The following GABRB1 variants were observed in gnomAD, a reference collection of about 807,000 sequenced individuals.
GABRB1 encodes gamma-aminobutyric acid type A receptor subunit beta1, also known as gamma-aminobutyric acid receptor subunit beta-1.
In GABRB1, 17 loss-of-function variants were observed where a neutral mutation model predicts 51.6. The observed-to-expected ratio is 0.33, with a 90% CI of 0.23 to 0.49. GABRB1 has a LOEUF of 0.49. Among genes scored for constraint, GABRB1 ranks in the 20% least tolerant of loss-of-function variants. GABRB1 has a pLI of 0.99. For synonymous variants in GABRB1, 247 were observed against 218.9 expected (o/e 1.13, Z -1.14); for missense variants, 410 against 600.6 (o/e 0.68, Z 3.32).
chr4:47,371,378 A>G (rs1178318923), intron 5 of GABRB1, among the ~76,000 whole-genome samples: 2 of 152,160 alleles, frequency 1.3e-5, no homozygotes, highest in African/African-American at 4.8e-5. Context: ...TGCCATTATG[A>G]ATAGTGCTGC....
intron 5 of GABRB1, among the ~76,000 whole-genome samples, chr4:47,398,417 T>C (rs890936084): frequency 6.6e-6 from 1 of 152,228 alleles, no homozygotes; most frequent in Non-Finnish European, 1.5e-5. Context: ...CAATGTTAAA[T>C]ATGAACAATG....
chr4:47,201,746 G>A (rs1315621323), intron 4 of GABRB1, among the ~76,000 whole-genome samples: 1 of 152,074 alleles, frequency 6.6e-6, no homozygotes, highest in African/African-American at 2.4e-5. Flanking sequence ...AGCGAAGATA[G>A]TCTAGATATA....
chr4:47,342,991 G>T (rs577411731), intron 5 of GABRB1, among the ~76,000 whole-genome samples: 1 of 152,064 alleles, frequency 6.6e-6, no homozygotes, highest in Non-Finnish European at 1.5e-5. Flanking sequence ...ATTCCATCAC[G>T]CTGGCTGATG....
At chr4:47,280,438 T>C (rs1231514525) in intron 4 of GABRB1, among the ~76,000 whole-genome samples, 1 of 151,296 alleles carries the variant, frequency 6.6e-6, no homozygotes, top group Non-Finnish European at 1.5e-5. Context: ...TATTACATTA[T>C]AAGAATGCTC....
In GABRB1 at chr4:47,348,671, T is replaced by C. The variant is rs200243028; in HGVS notation, c.544+28462T>C. On this transcript the variant is annotated intron_variant, in intron 5 of 8. Coordinates refer to ENST00000295454, the MANE Select transcript of GABRB1 (RefSeq NM_000812.4). ...TAGAGGACTGACCCTCCAGATTTTG[T>C]AGAAGTTTTGTCTTTATCCTAGAAT... Among the ~76,000 whole-genome samples the C allele has an allele frequency of 5.3e-5, 8 of 152,318 alleles. No homozygotes were observed. The East Asian group carries it at 1.5e-3, about 29-fold the overall frequency.
chr4:47,034,523 T>C (rs1725468037), intron 3 of GABRB1, among the ~76,000 whole-genome samples: 1 of 152,208 alleles, frequency 6.6e-6, no homozygotes, highest in Non-Finnish European at 1.5e-5. Context: ...CCTGTTCTAC[T>C]ACAATCCCCA....
chr4:47,411,266 A>G (rs1379652896), intron 8 of GABRB1, among the ~76,000 whole-genome samples: 1 of 152,218 alleles, frequency 6.6e-6, no homozygotes, highest in Non-Finnish European at 1.5e-5. Context: ...CAATAGATGA[A>G]TGGTTAAACA....
intron 3 of GABRB1, chr4:47,043,400 A>C (rs938503233): frequency 2.0e-5 from 3 of 152,060 alleles, no homozygotes; most frequent in African/African-American, 7.2e-5. Context: ...TGTTGCATAA[A>C]GTTTGGAAGG....
chr4:47,020,226 A>G (rs1484877828), intron 1 of GABRB1, among the ~76,000 whole-genome samples: 1 of 151,832 alleles, frequency 6.6e-6, no homozygotes, highest in African/African-American at 2.4e-5. Context: ...TTTTATTAGG[A>G]CCCCAACCTT....
At chr4:47,067,130 C>A (rs899048096) in intron 3 of GABRB1, among the ~76,000 whole-genome samples, 12 of 151,984 alleles carry the variant, frequency 7.9e-5, no homozygotes, top group Non-Finnish European at 1.3e-4. Context: ...TGAAAGGATT[C>A]TTTTTTTTCT....
At chr4:47,292,480 C>A (rs1469751935) in intron 4 of GABRB1, among the ~76,000 whole-genome samples, 1 of 152,190 alleles carries the variant, frequency 6.6e-6, no homozygotes, top group Non-Finnish European at 1.5e-5. Context: ...TATCTTTAGG[C>A]AAGCCCCTTG....
chr4:47,055,023 CT>C (rs1726528555), intron 3 of GABRB1, among the ~76,000 whole-genome samples: 1 of 152,182 alleles, frequency 6.6e-6, no homozygotes, highest in South Asian at 2.1e-4. Context: ...AGAACCTGAA[CT>C]GTTACATTGG....
At chr4:47,322,491 C>T (rs1276066820) in intron 5 of GABRB1, among the ~76,000 whole-genome samples, 1 of 152,100 alleles carries the variant, frequency 6.6e-6, no homozygotes. Context: ...TTATATAACA[C>T]CTTTGTGACA....
chr4:47,403,809 C>A, intron 7 of GABRB1, 98 bp downstream of exon 7: 1 of 1,163,172 alleles, frequency 8.6e-7, no homozygotes, highest in Non-Finnish European at 1.2e-6. Context: ...TATAGCAAGC[C>A]AAAGAATTAG....
intron 4 of GABRB1, among the ~76,000 whole-genome samples, chr4:47,247,124 C>T (rs745603611): frequency 9.2e-5 from 14 of 151,864 alleles, no homozygotes; most frequent in Non-Finnish European, 1.3e-4. Flanking sequence ...ATGGTTTTTC[C>T]ATGTTATCTT....
At chr4:47,108,664 G>A (rs1342437949) in intron 3 of GABRB1, among the ~76,000 whole-genome samples, 5 of 151,864 alleles carry the variant, frequency 3.3e-5, no homozygotes, top group East Asian at 1.9e-4. Flanking sequence ...TAATAATTGC[G>A]ATTATTGCTT....
At chr4:47,039,309 G>C in intron 3 of GABRB1, among the ~76,000 whole-genome samples, 1 of 137,378 alleles carries the variant, frequency 7.3e-6, no homozygotes, top group East Asian at 2.2e-4. Flanking sequence ...GAGAATAAAG[G>C]ATAATTTTCC....
At chr4:47,001,355 G>A (rs7684209) in intron 1 of GABRB1, among the ~76,000 whole-genome samples, 23,045 of 151,908 alleles carry the variant, frequency 0.15, 1,913 homozygotes, top group African/African-American at 0.18. Flanking sequence ...TGTTAGCCAG[G>A]ATGGTCTGAA....
Position 47,053,008 on chromosome 4 carries a change from A to G in GABRB1, c.240+20524A>G, listed in dbSNP as rs115811038. ...GGGTTCTCCTGAGACACTGAGATGA[A>G]TATTTGTGATTCTTGGGATGTTTAT... On this transcript the variant is annotated intron_variant, in intron 3 of 8. Transcript: ENST00000295454. 8.0e-3 allele frequency among the ~76,000 whole-genome samples: 1,214 copies of G among 152,242 alleles called. 16 individuals carry two copies. The highest frequency in any genetic ancestry group is 0.028 in the African/African-American group (1,145 of 41,558).
Sources: gnomAD v4.1 joint callset for allele counts (sites outside exome capture counted in the v4.1 genomes callset) on GRCh38, gnomAD v4.1.1 for gene constraint, MANE v1.5 for transcripts, NCBI Gene and HGNC (gene_info 2026-07-23, HGNC 2026-07-21) for gene names.